Variants in BUB1B observed in about 807,000 individuals in gnomAD.
BUB1B encodes the protein mitotic checkpoint serine/threonine-protein kinase BUB1 beta.
A neutral mutation model predicts 137.7 loss-of-function variants in BUB1B; 86 were observed. The observed-to-expected ratio is 0.62, with a 90% CI of 0.52 to 0.75. The LOEUF (loss-of-function observed/expected upper bound fraction) is 0.75, where lower values mean the gene tolerates loss of function less well. BUB1B is among the 30% of genes least tolerant of loss of function. BUB1B has a pLI of 0.00. For synonymous variants in BUB1B, 420 were observed against 417.9 expected (o/e 1.00, Z -0.06); for missense variants, 1,130 against 1,236.9 (o/e 0.91, Z 1.30).
At position 40,161,241 on chromosome 15, in the gene BUB1B, A is replaced by C. The variant is rs1819687564; in HGVS notation, c.21A>C (p.Glu7Asp). MAAVKK[E>D]GGALSEAMSL... ...GCAGGATGGCGGCGGTGAAGAAGGA[A>C]GGGGGTGCTCTGAGGTAGGTACGGG... Residue 7 changes from glutamate to aspartate, a missense_variant, in exon 1 of 23, where the codon GAA becomes GAC. By Grantham distance (45) the Glu-to-Asp change is conservative. Coordinates refer to ENST00000287598, the MANE Select transcript of BUB1B (RefSeq NM_001211.6). The C allele has an allele frequency of 2.5e-6, 4 of 1,613,270 alleles. No homozygotes were observed. The highest frequency in any genetic ancestry group is 3.4e-6 in the Non-Finnish European group (4 of 1,179,634).
chr15:40,218,100 C>T (rs1431615516), intron 21 of BUB1B, among the ~76,000 whole-genome samples: 2 of 152,198 alleles, frequency 1.3e-5, no homozygotes, highest in Non-Finnish European at 2.9e-5. Flanking sequence ...TCTAACTCAG[C>T]TTTAGACATA....
chr15:40,198,175 G>T (rs2037520701), intron 9 of BUB1B, among the ~76,000 whole-genome samples: 1 of 151,652 alleles, frequency 6.6e-6, no homozygotes, highest in Non-Finnish European at 1.5e-5. Flanking sequence ...TAGATTACAT[G>T]GGATTTAATT....
Position 40,213,344 on chromosome 15 carries a change from C to T in BUB1B, c.2548C>T (p.His850Tyr). 1 of 1,613,942 alleles carries T rather than the reference C, an allele frequency of 6.2e-7. No homozygotes were observed. The highest frequency in any genetic ancestry group is 8.5e-7 in the Non-Finnish European group (1 of 1,179,910). The change falls in exon 20 of 23, where the codon CAC becomes TAC. Residue 850 changes from histidine (H) to tyrosine (Y), a missense_variant. His to Tyr is a moderately conservative substitution (Grantham distance 83). Coordinates refer to ENST00000287598, the MANE Select transcript of BUB1B (RefSeq NM_001211.6). ...CTTCAATTTCCAGGATCTTCTCCAA[C>T]ACAGTGAATATATTACCCATGAAAT... ...NCFTLQDLLQ[H>Y]SEYITHEITV...
Position 40,183,861 on chromosome 15 carries a change from C to T in BUB1B, c.729C>T (p.Ile243=). The T allele has an allele frequency of 6.2e-7, 1 of 1,614,064 alleles. No individual in the cohort carries two copies. Among genetic ancestry groups the T allele is most frequent in the Non-Finnish European group, 8.5e-7 (1 of 1,179,928 alleles). The change falls in exon 6 of 23, where the codon ATC becomes ATT. Residue 243 remains isoleucine (I), a synonymous_variant. Coordinates refer to ENST00000287598, the MANE Select transcript of BUB1B (RefSeq NM_001211.6). ...AAAAGACAGCAAGAGCTCCAATCATCCGTGTAGGAGGTGCTCTCAAGGGTA... is the reference window on the plus strand; with the variant it reads ...AAAAGACAGCAAGAGCTCCAATCATTCGTGTAGGAGGTGCTCTCAAGGGTA... ...KGKKTARAPI[I]RVGGALKAPS...
intron 2 of BUB1B, among the ~76,000 whole-genome samples, chr15:40,167,487 C>G (rs1284644031): frequency 6.6e-6 from 1 of 151,646 alleles, no homozygotes; most frequent in East Asian, 1.9e-4. Context: ...GGATTACAGG[C>G]ACGCACCACC....
chr15:40,194,225 G>A (rs1172958600), intron 8 of BUB1B, among the ~76,000 whole-genome samples: 2 of 152,084 alleles, frequency 1.3e-5, no homozygotes, highest in African/African-American at 4.8e-5. Flanking sequence ...TACTGATCTT[G>A]TATTCTTTGA....
intron 15 of BUB1B, among the ~76,000 whole-genome samples, chr15:40,208,195 C>T (rs1412023389): frequency 6.6e-6 from 1 of 150,808 alleles, no homozygotes; most frequent in African/African-American, 2.4e-5. Context: ...TTATTTAAAC[C>T]TAAATTTTAT....
At chr15:40,202,375 A>C in intron 12 of BUB1B, 30 bp from the exon 13 acceptor site, 4 of 1,552,314 alleles carry the variant, frequency 2.6e-6, no homozygotes, top group Non-Finnish European at 3.5e-6. Flanking sequence ...ATTTACTCCT[A>C]GAGTATGTAT....
At chr15:40,191,788 T>G (rs2037441635) in intron 8 of BUB1B, among the ~76,000 whole-genome samples, 1 of 152,344 alleles carries the variant, frequency 6.6e-6, no homozygotes, top group East Asian at 1.9e-4. Flanking sequence ...CCAAAATGTA[T>G]GAATTTATTT....
At chr15:40,200,187 G>GA in intron 10 of BUB1B, 57 bp from the exon 11 acceptor site, 1 of 1,254,982 alleles carries the variant, frequency 8.0e-7, no homozygotes, top group South Asian at 1.2e-5. Context: ...GTTAGAACTA[G>GA]AAAATAGCAT....
At chr15:40,199,888 G>C (rs1236553906) in intron 10 of BUB1B, 161 bp downstream of exon 10, 1 of 639,520 alleles carries the variant, frequency 1.6e-6, no homozygotes, top group East Asian at 2.8e-5. Context: ...TAATTTAACA[G>C]GTGACTTCAA....
At chr15:40,215,603 A>G (rs1301318827) in intron 20 of BUB1B, among the ~76,000 whole-genome samples, 1 of 151,972 alleles carries the variant, frequency 6.6e-6, no homozygotes, top group Non-Finnish European at 1.5e-5. Flanking sequence ...CCCTGTCTCT[A>G]CTAAAAATAC....
chr15:40,182,801 A>C (rs1187495190), intron 5 of BUB1B, among the ~76,000 whole-genome samples: 1 of 152,094 alleles, frequency 6.6e-6, no homozygotes, highest in African/African-American at 2.4e-5. Flanking sequence ...TCTGAGTTTT[A>C]CATTCACATA....
chr15:40,171,198 A>G (rs1014779184), intron 4 of BUB1B, among the ~76,000 whole-genome samples: 2 of 152,174 alleles, frequency 1.3e-5, no homozygotes, highest in African/African-American at 4.8e-5. Context: ...TGGCCTCCCA[A>G]AGTGCTGGGA....
chr15:40,206,310 C>G lies in BUB1B; in HGVS notation c.1861C>G (p.Pro621Ala). The G allele has an allele frequency of 6.2e-7, 1 of 1,614,184 alleles. No homozygotes were observed. Among genetic ancestry groups the G allele is most frequent in the Non-Finnish European group, 8.5e-7 (1 of 1,180,038 alleles). Residue 621 changes from proline (P) to alanine (A), a missense_variant, in exon 15 of 23, where the codon CCT becomes GCT. Transcript: ENST00000287598. ...FARAARFVST[P>A]FHEIMSLKDL... ...CAGAGCAGCTCGTTTTGTATCCACT[C>G]CTTTTCATGAGATAATGTCCTTGAA... is the stretch of plus-strand genomic sequence containing the variant.
At position 40,166,347 on chromosome 15, in the gene BUB1B, T is replaced by C. The variant is rs969480630; in HGVS notation, c.179+1151T>C. 5.9e-5 allele frequency: 26 copies of C among 442,160 alleles called. No individual in the cohort carries two copies. The Admixed American group carries it at 6.3e-4, about 11-fold the overall frequency. The allele number at this position is 442,160 out of a possible 1,614,324, so 27.4% of individuals were successfully genotyped here. The stretch of plus-strand genomic sequence containing the variant: ...TAATTTTCTCTCTCTCTCTTTTTTT[T>C]TTTTCTTTTAGAGACGGAGTCTCGC... On this transcript the variant is annotated intron_variant, in intron 2 of 22. Coordinates refer to ENST00000287598, the MANE Select transcript of BUB1B (RefSeq NM_001211.6).
At chr15:40,193,893 TA>T (rs79901868) in intron 8 of BUB1B, among the ~76,000 whole-genome samples, 3,284 of 122,668 alleles carry the variant, frequency 0.027, 108 homozygotes, top group African/African-American at 0.087. Flanking sequence ...AGATTCTGTC[TA>T]AAAAAAAAAA....
At chr15:40,193,986 GTGCTGGAA>G (rs1407572408) in intron 8 of BUB1B, among the ~76,000 whole-genome samples, 1 of 151,536 alleles carries the variant, frequency 6.6e-6, no homozygotes. Context: ...GCCTCCCAAA[GTGCTGGAA>G]TTACAGGCCA....
chr15:40,175,758 A>G (rs1333326841), intron 4 of BUB1B, among the ~76,000 whole-genome samples: 1 of 152,212 alleles, frequency 6.6e-6, no homozygotes, highest in Non-Finnish European at 1.5e-5. Context: ...TTAGCTTGAT[A>G]TTCAAGACCT....
Sources: gnomAD v4.1 joint callset for allele counts (sites outside exome capture counted in the v4.1 genomes callset) on GRCh38, gnomAD v4.1.1 for gene constraint, MANE v1.5 for transcripts, NCBI Gene and HGNC (gene_info 2026-07-23, HGNC 2026-07-21) for gene names.